AVPR1A: variants seen among roughly 807,000 people sequenced by gnomAD.
AVPR1A encodes arginine vasopressin receptor 1A, also known as vasopressin V1a receptor.
AVPR1A carries 31 observed loss-of-function variants against 31.5 expected under a neutral mutation model. The observed-to-expected ratio is 0.99, with a 90% CI of 0.74 to 1.33. The LOEUF (loss-of-function observed/expected upper bound fraction) is 1.33. AVPR1A is among the 40% of genes most tolerant of loss of function. AVPR1A has a pLI of 0.00. For missense variants in AVPR1A, 570 were observed against 575.2 expected (o/e 0.99, Z 0.09); for synonymous variants, 243 against 233.2 (o/e 1.04, Z -0.38).
In AVPR1A at chr12:63,143,173, T is replaced by A. The variant is rs1315015925; in HGVS notation, c.*4186A>T. 1 of 151,960 alleles carries A rather than the reference T, an allele frequency of 6.6e-6. No individual in the cohort carries two copies. Among genetic ancestry groups the A allele is most frequent in the Non-Finnish European group, 1.5e-5 (1 of 67,952 alleles). 9.4% of individuals were successfully genotyped at this position (151,960 alleles called of 1,614,324 possible). On this transcript the variant is annotated 3_prime_UTR_variant, in exon 2 of 2. Coordinates refer to ENST00000299178, the MANE Select transcript of AVPR1A (RefSeq NM_000706.5). ...AATAATAATTATTCTGGTATTTATA[T>A]CAGATTTATCATCAGATTTTCTTTC...
rs763217726 is a variant in AVPR1A at position 63,149,771 on chromosome 12, TTCTCTC to T, written c.970+90_970+95del. On this transcript the variant is annotated intron_variant, in intron 1 of 1. Transcript: ENST00000299178. ...AGAAAATTGCTAGATTCTCATTTTT[TTCTCTC>T]TCTCTCTCTCTCTCTCTCTCTCACA... 1,040 of 956,558 alleles carry T rather than the reference TTCTCTC, an allele frequency of 1.1e-3. 1 individual carries two copies. Among genetic ancestry groups the T allele is most frequent in the South Asian group, 1.4e-3 (61 of 44,632 alleles). The allele number at this position is 956,558 out of a possible 1,614,324, so 59.3% of individuals were successfully genotyped here.
rs777063012 is a variant in AVPR1A, at chr12:63,147,558, C to G, written c.1058G>C (p.Gly353Ala). Residue 353 changes from glycine (G) to alanine (A), a missense_variant, in exon 2 of 2, where the codon GGC (glycine) becomes GCC (alanine). Transcript: ENST00000299178. ...CNPWIYMFFS[G>A]HLLQDCVQSF... ...TTGAACACAGTCTTGAAGGAGATGG[C>G]CACTAAAAAACATGTATATCCAGGG... 7 of 1,614,046 alleles carry G rather than the reference C, an allele frequency of 4.3e-6. No homozygotes were observed. The South Asian group carries it at 7.7e-5, about 18-fold the overall frequency.
At position 63,150,980 on chromosome 12, in the gene AVPR1A, C is replaced by T. The variant is rs1378447066; in HGVS notation, c.-144G>A. 142 of 1,239,728 alleles carry T rather than the reference C, an allele frequency of 1.1e-4. 1 individual carries two copies. In the East Asian group the frequency reaches 2.9e-3, roughly 26 times the overall value. The allele number at this position is 1,239,728 out of a possible 1,614,324, so 76.8% of individuals were successfully genotyped here. ...CAGCTTGCCGGGCTCTGCGATCCCT[C>T]CAGTGGGCGTCTCCCGGAGCAGCGT... On this transcript the variant is annotated 5_prime_UTR_variant, in exon 1 of 2. Transcript: ENST00000299178. This position sits in a 1 kb window ranked among gnomAD's most constrained non-coding sequence, Gnocchi z 4.9.
chr12:63,150,561 G>T lies in AVPR1A; in HGVS notation c.276C>A (p.His92Gln). 6.2e-7 allele frequency: 1 copy of T among 1,612,806 alleles called. No homozygotes were observed. Among genetic ancestry groups the T allele is most frequent in the Non-Finnish European group, 8.5e-7 (1 of 1,179,910 alleles). Residue 92 changes from histidine to glutamine, a missense_variant, in exon 1 of 2, where the codon CAC (histidine) becomes CAA (glutamine). Physicochemically the swap from His to Gln is conservative, Grantham distance 24. Coordinates refer to ENST00000299178, the MANE Select transcript of AVPR1A (RefSeq NM_000706.5). This position sits in a 1 kb window ranked among gnomAD's most constrained non-coding sequence, Gnocchi z 4.9. The part of the protein sequence containing the change: ...KTSRMHLFIR[H>Q]LSLADLAVAF... ...CCACGGCCAGGTCGGCCAGGCTGAG[G>T]TGTCGGATGAAGAGGTGCATGCGGG... is the stretch of plus-strand genomic sequence containing the variant.
rs1414800560 is a variant in AVPR1A, at chr12:63,142,841, A to G, written c.*4518T>C. ...ACAATAGTTTTTTCAATATAGTACC[A>G]CAAGCCATTTTTTCTGTAAAGGACC... On this transcript the variant is annotated 3_prime_UTR_variant, in exon 2 of 2. Coordinates refer to ENST00000299178, the MANE Select transcript of AVPR1A (RefSeq NM_000706.5). 1 of 152,186 alleles carries G rather than the reference A, an allele frequency of 6.6e-6. No individual in the cohort carries two copies. Among genetic ancestry groups the G allele is most frequent in the Non-Finnish European group, 1.5e-5 (1 of 67,986 alleles). The allele number at this position is 152,186 out of a possible 1,614,324, so 9.4% of individuals were successfully genotyped here. A position where few individuals can be genotyped will look rare whatever the true frequency, so the allele number is the denominator to read the frequency against.
rs369768172 is a variant in AVPR1A, at chr12:63,150,561, G to A, written c.276C>T (p.His92=). The change falls in exon 1 of 2, where the codon CAC becomes CAT. Residue 92 remains histidine (H), a synonymous_variant. Coordinates refer to ENST00000299178, the MANE Select transcript of AVPR1A (RefSeq NM_000706.5). The surrounding 1 kb of genome is among the most constrained non-coding windows in gnomAD (Gnocchi z 4.9). The part of the protein sequence containing the change: ...KTSRMHLFIR[H]LSLADLAVAF... ...CCACGGCCAGGTCGGCCAGGCTGAG[G>A]TGTCGGATGAAGAGGTGCATGCGGG... 9.3e-6 allele frequency: 15 copies of A among 1,612,688 alleles called. No individual in the cohort carries two copies. The highest frequency in any genetic ancestry group is 1.3e-5 in the Non-Finnish European group (15 of 1,179,918).
rs1205159716 is a variant in AVPR1A, at chr12:63,145,833, G to A, written c.*1526C>T. The A allele has an allele frequency of 6.5e-6, 1 of 152,710 alleles. No individual in the cohort carries two copies. The highest frequency in any genetic ancestry group is 1.5e-5 in the Non-Finnish European group (1 of 68,442). 9.5% of individuals were successfully genotyped at this position (152,710 alleles called of 1,614,324 possible). A position where few individuals can be genotyped will look rare whatever the true frequency, so the allele number is the denominator to read the frequency against. On this transcript the variant is annotated 3_prime_UTR_variant, in exon 2 of 2. Transcript: ENST00000299178. The stretch of plus-strand genomic sequence containing the variant: ...AAATGGAAAAAATTGATGCTTGTGG[G>A]TGGCTTTGATCTACCTGCATTCAAA...
Position 63,149,933 on chromosome 12 carries a change from C to T in AVPR1A, c.904G>A (p.Val302Ile), listed in dbSNP as rs369914673. The T allele has an allele frequency of 6.2e-7, 1 of 1,613,828 alleles. No individual in the cohort carries two copies. Among genetic ancestry groups the T allele is most frequent in the Non-Finnish European group, 8.5e-7 (1 of 1,180,006 alleles). ...MTFVIVTAYI[V>I]CWAPFFIIQM... ...ATGATGAAGAAAGGCGCCCAGCAGA[C>T]GATGTAAGCCGTCACGATCACAAAA... The change falls in exon 1 of 2, where the codon GTC becomes ATC. Residue 302 changes from valine to isoleucine, a missense_variant. Coordinates refer to ENST00000299178, the MANE Select transcript of AVPR1A (RefSeq NM_000706.5).
At position 63,150,816 on chromosome 12, in the gene AVPR1A, G is replaced by A. The variant is rs771234543; in HGVS notation, c.21C>T (p.Pro7=). Residue 7 remains proline (P), a synonymous_variant, in exon 1 of 2, where the codon CCC becomes CCT. Transcript: ENST00000299178. This position sits in a 1 kb window ranked among gnomAD's most constrained non-coding sequence, Gnocchi z 4.9. MRLSAG[P]DAGPSGNSSP... ...TGGAGTTGCCCGAGGGCCCCGCGTC[G>A]GGACCGGCGGAGAGACGCATGCTGT... 3 of 1,589,618 alleles carry A rather than the reference G, an allele frequency of 1.9e-6. No homozygotes were observed. Among genetic ancestry groups the A allele is most frequent in the East Asian group, 4.5e-5 (2 of 44,650 alleles).
At position 63,150,189 on chromosome 12, in the gene AVPR1A, G is replaced by A. The variant is rs1190924956; in HGVS notation, c.648C>T (p.Tyr216=). The A allele has an allele frequency of 1.2e-6, 2 of 1,613,852 alleles. No individual in the cohort carries two copies. Among genetic ancestry groups the A allele is most frequent in the Admixed American group, 3.3e-5 (2 of 60,012 alleles). ...AGATGCCGCCCGTCATCCAGGTCAC[G>A]TAGGCACGAGAACCCCAGGGCTGGA... ...TFIQPWGSRA[Y]VTWMTGGIFV... The change falls in exon 1 of 2, where the codon TAC becomes TAT. Residue 216 remains tyrosine (Y), a synonymous_variant. Transcript: ENST00000299178. The surrounding 1 kb of genome is among the most constrained non-coding windows in gnomAD (Gnocchi z 4.9).
At position 63,146,846 on chromosome 12, in the gene AVPR1A, T is replaced by TA. The variant is rs950583737; in HGVS notation, c.*512dup. On this transcript the variant is annotated 3_prime_UTR_variant, in exon 2 of 2. Transcript: ENST00000299178. ...ATTACACCCCAGGCACTTGTACTCCTAGGAGGTACCATCCCATCTCCTGGA... is the reference window on the plus strand; with the variant it reads ...ATTACACCCCAGGCACTTGTACTCCTAAGGAGGTACCATCCCATCTCCTGGA... The TA allele has an allele frequency of 1.3e-5, 2 of 156,378 alleles. No homozygotes were observed. Among genetic ancestry groups the TA allele is most frequent in the Admixed American group, 6.2e-5 (1 of 16,228 alleles). The allele number at this position is 156,378 out of a possible 1,614,324, so 9.7% of individuals were successfully genotyped here.
In AVPR1A at chr12:63,144,090, A is replaced by G. The variant is rs1048159403; in HGVS notation, c.*3269T>C. 5 of 148,264 alleles carry G rather than the reference A, an allele frequency of 3.4e-5. No homozygotes were observed. Among genetic ancestry groups the G allele is most frequent in the African/African-American group, 1.3e-4 (5 of 38,508 alleles). 9.2% of individuals were successfully genotyped at this position (148,264 alleles called of 1,614,324 possible). A position where few individuals can be genotyped will look rare whatever the true frequency, so the allele number is the denominator to read the frequency against. On this transcript the variant is annotated 3_prime_UTR_variant, in exon 2 of 2. Transcript: ENST00000299178. ...TAATAAGCTTGGCAGGGTCCTGTGT[A>G]TCATTAAGACTGCTTAGTATTTTTT...
chr12:63,145,988 C>T lies in AVPR1A; in HGVS notation c.*1371G>A, dbSNP rs1202749356. 1 of 152,154 alleles carries T rather than the reference C, an allele frequency of 6.6e-6. No homozygotes were observed. Among genetic ancestry groups the T allele is most frequent in the Non-Finnish European group, 1.5e-5 (1 of 68,036 alleles). The allele number at this position is 152,154 out of a possible 1,614,324, so 9.4% of individuals were successfully genotyped here. A position where few individuals can be genotyped will look rare whatever the true frequency, so the allele number is the denominator to read the frequency against. On this transcript the variant is annotated 3_prime_UTR_variant, in exon 2 of 2. Coordinates refer to ENST00000299178, the MANE Select transcript of AVPR1A (RefSeq NM_000706.5). Reference sequence around the variant, plus strand: ...AAATTTTAGGATTTTATATCCCAGCCATGAAATGAACCAATTCTAGTTAAT... The same window carrying T: ...AAATTTTAGGATTTTATATCCCAGCTATGAAATGAACCAATTCTAGTTAAT...
chr12:63,149,792 T>TCA (rs1236703159), intron 1 of AVPR1A, 75 bp downstream of exon 1: 194 of 1,430,166 alleles, frequency 1.4e-4, no homozygotes, highest in Middle Eastern at 5.7e-4. Context: ...TCTCTCTCTC[T>TCA]CTCTCTCACA....
chr12:63,150,156 C>G lies in AVPR1A; in HGVS notation c.681G>C (p.Ala227=). ...VTWMTGGIFV[A]PVVILGTCYG... Reference sequence around the variant, plus strand: ...AGCAGGTACCCAAGATGACCACGGGCGCCACAAAGATGCCGCCCGTCATCC... The same window carrying G: ...AGCAGGTACCCAAGATGACCACGGGGGCCACAAAGATGCCGCCCGTCATCC... Residue 227 remains alanine (A), a synonymous_variant, in exon 1 of 2, where the codon GCG becomes GCC. Coordinates refer to ENST00000299178, the MANE Select transcript of AVPR1A (RefSeq NM_000706.5). The surrounding 1 kb of genome is among the most constrained non-coding windows in gnomAD (Gnocchi z 4.9). The G allele has an allele frequency of 6.2e-7, 1 of 1,613,988 alleles. No homozygotes were observed. The highest frequency in any genetic ancestry group is 1.6e-4 in the Middle Eastern group (1 of 6,062).
chr12:63,147,723 G>A, intron 1 of AVPR1A, 78 bp from the exon 2 acceptor site: 1 of 1,431,270 alleles, frequency 7.0e-7, no homozygotes, highest in South Asian at 1.3e-5. Context: ...AACTAATTAA[G>A]AAGGCATAAA....
Position 63,150,946 on chromosome 12 carries a change from G to T in AVPR1A, c.-110C>A. The T allele has an allele frequency of 7.0e-7, 1 of 1,418,936 alleles. No homozygotes were observed. Among genetic ancestry groups the T allele is most frequent in the Non-Finnish European group, 9.2e-7 (1 of 1,085,908 alleles). The allele number at this position is 1,418,936 out of a possible 1,614,324, so 87.9% of individuals were successfully genotyped here. A position where few individuals can be genotyped will look rare whatever the true frequency, so the allele number is the denominator to read the frequency against. On this transcript the variant is annotated 5_prime_UTR_variant, in exon 1 of 2. Coordinates refer to ENST00000299178, the MANE Select transcript of AVPR1A (RefSeq NM_000706.5). The surrounding 1 kb of genome is among the most constrained non-coding windows in gnomAD (Gnocchi z 4.9). ...CCTCGTCCGAAGCGCAGGGTCTTTG[G>T]CGCGCTCGCAGCTTGCCGGGCTCTG...
chr12:63,150,394 T>A lies in AVPR1A; in HGVS notation c.443A>T (p.Asp148Val), dbSNP rs1377891669. 7 of 1,613,774 alleles carry A rather than the reference T, an allele frequency of 4.3e-6. No homozygotes were observed. The East Asian group carries it at 1.3e-4, about 31-fold the overall frequency. Residue 148 changes from aspartate to valine, a missense_variant, in exon 1 of 2, where the codon GAC becomes GTC. Physicochemically the swap from Asp to Val is radical, Grantham distance 152. Coordinates refer to ENST00000299178, the MANE Select transcript of AVPR1A (RefSeq NM_000706.5). The surrounding 1 kb of genome is among the most constrained non-coding windows in gnomAD (Gnocchi z 4.9). ...SAYMLVVMTA[D>V]RYIAVCHPLK... ...CGGGTGGCACACCGCGATGTAGCGG[T>A]CGGCTGTCATGACTACCAGCATGTA...
rs1868373277 is a variant in AVPR1A, at chr12:63,147,381, T to C, written c.1235A>G (p.Lys412Arg). The C allele has an allele frequency of 1.9e-6, 3 of 1,613,536 alleles. No individual in the cohort carries two copies. Among genetic ancestry groups the C allele is most frequent in the South Asian group, 1.1e-5 (1 of 91,058 alleles). Reference sequence around the variant, plus strand: ...GGCTCAAGTTGAAACAGGAATGAATTTGATGGACTTGGAAGATTTAGGCGA... The same window carrying C: ...GGCTCAAGTTGAAACAGGAATGAATCTGATGGACTTGGAAGATTTAGGCGA... ...KDSPKSSKSI[K>R]FIPVST Residue 412 changes from lysine (K) to arginine (R), a missense_variant, in exon 2 of 2, where the codon AAA (lysine) becomes AGA (arginine). Coordinates refer to ENST00000299178, the MANE Select transcript of AVPR1A (RefSeq NM_000706.5).
Sources: gnomAD v4.1 joint callset for allele counts on GRCh38, gnomAD v4.1.1 for gene constraint, Gnocchi (gnomAD v3.1) non-coding constraint, MANE v1.5 for transcripts, NCBI Gene and HGNC (gene_info 2026-07-23, HGNC 2026-07-21) for gene names.